Variants in HDAC5 observed in about 807,000 individuals in gnomAD.
HDAC5 encodes the protein histone deacetylase 5.
HDAC5 carries 25 observed loss-of-function variants against 133.3 expected under a neutral mutation model. That is an observed-to-expected ratio of 0.19 (90% confidence interval 0.14 to 0.26). The LOEUF (loss-of-function observed/expected upper bound fraction) is 0.26, where lower values mean the gene tolerates loss of function less well. Among genes scored for constraint, HDAC5 ranks in the 10% least tolerant of loss-of-function variants. The pLI, the probability that HDAC5 is intolerant of heterozygous loss-of-function variation, is 1.00. For synonymous variants in HDAC5, 589 were observed against 610.8 expected (o/e 0.96, Z 0.53); for missense variants, 1,041 against 1,460.5 (o/e 0.71, Z 4.68).
chr17:44,087,162 G>A (rs1242283834), intron 13 of HDAC5, among the ~76,000 whole-genome samples: 1 of 151,674 alleles, frequency 6.6e-6, no homozygotes, highest in Admixed American at 6.6e-5. Flanking sequence ...CAAGCAGAGA[G>A]GCAGGCCAGT....
chr17:44,113,324 T>C (rs1367828520), intron 2 of HDAC5, among the ~76,000 whole-genome samples: 1 of 152,142 alleles, frequency 6.6e-6, no homozygotes, highest in East Asian at 1.9e-4. Flanking sequence ...CAGAGGTGGC[T>C]GGAGCCGGGA....
In HDAC5 at chr17:44,078,261, G is replaced by T; in HGVS notation, c.*115C>A. On this transcript the variant is annotated 3_prime_UTR_variant, in exon 27 of 27. Transcript: ENST00000682912. ...TGAGGCAGCGTAGAGGAGCAGGAGGGGCAAGGCTGAGAGACCCACACGGCA... is the reference window on the plus strand; with the variant it reads ...TGAGGCAGCGTAGAGGAGCAGGAGGTGCAAGGCTGAGAGACCCACACGGCA... The T allele has an allele frequency of 8.8e-7, 1 of 1,142,106 alleles. No individual in the cohort carries two copies. The highest frequency in any genetic ancestry group is 1.2e-6 in the Non-Finnish European group (1 of 831,512). The allele number at this position is 1,142,106 out of a possible 1,614,324, so 70.7% of individuals were successfully genotyped here.
intron 11 of HDAC5, among the ~76,000 whole-genome samples, chr17:44,089,747 C>CAAAAAAA (rs869263828): frequency 8.8e-5 from 3 of 34,054 alleles, no homozygotes; most frequent in African/African-American, 1.7e-4. Flanking sequence ...AACTTCGTCT[C>CAAAAAAA]AAAAAAAAAA....
chr17:44,085,470 C>G, intron 14 of HDAC5: 1 of 222,858 alleles, frequency 4.5e-6, no homozygotes, highest in African/African-American at 2.3e-5. Flanking sequence ...CCTCAGCGTT[C>G]TGAGTAGCTG....
chr17:44,094,615 C>T (rs905708675), intron 3 of HDAC5, among the ~76,000 whole-genome samples: 15 of 151,876 alleles, frequency 9.9e-5, no homozygotes, highest in South Asian at 2.1e-4. Context: ...CCAGCCTGGG[C>T]GACAGAGCGA....
At chr17:44,087,022 A>T (rs955389597) in intron 13 of HDAC5, among the ~76,000 whole-genome samples, 1 of 150,840 alleles carries the variant, frequency 6.6e-6, no homozygotes, top group African/African-American at 2.4e-5. Context: ...TCAGGCCCGG[A>T]GGGCTCGGCT....
chr17:44,080,324 C>CT (rs2050331161), intron 22 of HDAC5, 77 bp downstream of exon 22: 1 of 1,550,548 alleles, frequency 6.4e-7, no homozygotes, highest in African/African-American at 1.4e-5. Flanking sequence ...CCACACTGAA[C>CT]TGAGTGCCTT....
At position 44,116,600 on chromosome 17, in the gene HDAC5, C is replaced by T. The variant is rs375958732; in HGVS notation, c.22+894G>A. Among the ~76,000 whole-genome samples, 50 of 152,194 alleles carry T rather than the reference C, an allele frequency of 3.3e-4. No homozygotes were observed. In the South Asian group the frequency reaches 3.5e-3, roughly 11 times the overall value. On this transcript the variant is annotated intron_variant, in intron 2 of 26. Transcript: ENST00000682912. ...AAAAAAGATGAGGAGTACGATGGGC[C>T]GTGGAGAGCTAAAGTTGAGCAAGAT...
Position 44,098,197 on chromosome 17 carries a change from C to T in HDAC5, c.95-4363G>A, listed in dbSNP as rs140228060. Among the ~76,000 whole-genome samples the T allele has an allele frequency of 6.2e-3, 939 of 152,328 alleles. 11 individuals are homozygous for T. The highest frequency in any genetic ancestry group is 0.021 in the African/African-American group (880 of 41,570). On this transcript the variant is annotated intron_variant, in intron 3 of 26. Coordinates refer to ENST00000682912, the MANE Select transcript of HDAC5 (RefSeq NM_005474.5). ...GAATAGAGTCTGCCCAGGCACAGAC[C>T]CTGGAGCCTGGCGGGCCTTGCACTC...
chr17:44,083,894 C>T (rs1555630109), intron 16 of HDAC5, 40 bp from the exon 17 acceptor site: 15 of 1,570,444 alleles, frequency 9.6e-6, no homozygotes, highest in South Asian at 6.7e-5. Context: ...GAAGTGGCCT[C>T]GGGCGGATCA....
chr17:44,083,780 C>T (rs1471250167), intron 17 of HDAC5, 25 bp downstream of exon 17: 2 of 1,588,946 alleles, frequency 1.3e-6, no homozygotes, highest in South Asian at 1.1e-5. Context: ...GCCCGCCCAC[C>T]CCCACTGCTG....
At chr17:44,104,546 G>A (rs1394001045) in intron 3 of HDAC5, among the ~76,000 whole-genome samples, 3 of 152,088 alleles carry the variant, frequency 2.0e-5, no homozygotes, top group Non-Finnish European at 2.9e-5. Flanking sequence ...TGCAGCCAGC[G>A]GCTGGGTGTC....
chr17:44,081,254 C>CTT (rs761764368), intron 20 of HDAC5, among the ~76,000 whole-genome samples: 1,871 of 147,102 alleles, frequency 0.013, 34 homozygotes, highest in African/African-American at 0.044. Flanking sequence ...GAGATTCTTT[C>CTT]TTTTTTTTTT....
intron 1 of HDAC5, among the ~76,000 whole-genome samples, chr17:44,122,543 T>C (rs1042955696): frequency 1.3e-5 from 2 of 152,268 alleles, no homozygotes; most frequent in African/African-American, 4.8e-5. Context: ...AGCTGTTACC[T>C]TTCCTCTTTA....
intron 23 of HDAC5, 145 bp from the exon 24 acceptor site, chr17:44,079,422 A>G (rs997967216): frequency 2.8e-6 from 2 of 704,460 alleles, no homozygotes; most frequent in Non-Finnish European, 4.6e-6. Flanking sequence ...CGGGCAGATC[A>G]CAAGGTCAGG....
intron 22 of HDAC5, 49 bp downstream of exon 22, chr17:44,080,352 G>A (rs1192363645): frequency 1.3e-6 from 2 of 1,588,004 alleles, no homozygotes; most frequent in African/African-American, 2.7e-5. Context: ...TCCCACTGCA[G>A]GGCCCAGAGG....
At chr17:44,102,068 T>C (rs2051647745) in intron 3 of HDAC5, among the ~76,000 whole-genome samples, 1 of 152,230 alleles carries the variant, frequency 6.6e-6, no homozygotes, top group Non-Finnish European at 1.5e-5. Flanking sequence ...GAATGGTTCC[T>C]GTGCTCTAGG....
chr17:44,086,259 G>A (rs1597946177), intron 14 of HDAC5, among the ~76,000 whole-genome samples: 1 of 152,208 alleles, frequency 6.6e-6, no homozygotes, highest in Non-Finnish European at 1.5e-5. Context: ...GACCTCACAG[G>A]GAGAAGGAAG....
chr17:44,105,536 T>C (rs551998160), intron 3 of HDAC5, among the ~76,000 whole-genome samples: 1 of 152,290 alleles, frequency 6.6e-6, no homozygotes, highest in South Asian at 2.1e-4. Context: ...TGGGGTGGAA[T>C]GGCAGGGGCT....
Sources: allele counts gnomAD v4.1 joint callset (sites outside exome capture counted in the v4.1 genomes callset), GRCh38; gene constraint gnomAD v4.1.1; transcripts MANE v1.5; gene names NCBI Gene and HGNC (gene_info 2026-07-23, HGNC 2026-07-21).